FGGY: variants seen among roughly 807,000 people sequenced by gnomAD.
FGGY encodes FGGY carbohydrate kinase domain containing.
FGGY carries 72 observed loss-of-function variants against 71.3 expected under a neutral mutation model. The observed-to-expected ratio is 1.01, with a 90% confidence interval of 0.84 to 1.23. The LOEUF is 1.23. Among genes scored for constraint, FGGY ranks in the 50% most tolerant of loss-of-function variants. FGGY has a pLI of 0.00. For missense variants in FGGY, 668 were observed against 682.3 expected, an observed-to-expected ratio of 0.98 and a Z score of 0.23; for synonymous variants, 251 against 250.3, an observed-to-expected ratio of 1.00 and a Z score of -0.02.
intron 8 of FGGY, among the ~76,000 whole-genome samples, chr1:59,570,567 C>T (rs1306861859): frequency 2.0e-5 from 3 of 152,204 alleles, no homozygotes; most frequent in South Asian, 2.1e-4. Context: ...TTGTGGAATT[C>T]TTATTTTCTC....
At chr1:59,484,783 T>C (rs1007961283) in intron 6 of FGGY, among the ~76,000 whole-genome samples, 4 of 152,200 alleles carry the variant, frequency 2.6e-5, no homozygotes, top group African/African-American at 7.2e-5. Context: ...CAGAGACTTA[T>C]AAAAGATAGG....
intron 1 of FGGY, chr1:59,316,282 G>T (rs2045438869): frequency 6.6e-6 from 1 of 152,176 alleles, no homozygotes; most frequent in Non-Finnish European, 1.5e-5. Flanking sequence ...CTGCTTCTGT[G>T]CACTGTCACC....
chr1:59,431,961 T>C (rs1032179274), intron 5 of FGGY, among the ~76,000 whole-genome samples: 1 of 151,926 alleles, frequency 6.6e-6, no homozygotes, highest in Non-Finnish European at 1.5e-5. Flanking sequence ...AGAATGGGAG[T>C]TGGTCAGAAT....
intron 8 of FGGY, among the ~76,000 whole-genome samples, chr1:59,576,415 G>C (rs950669644): frequency 6.6e-6 from 1 of 152,062 alleles, no homozygotes; most frequent in African/African-American, 2.4e-5. Flanking sequence ...AGGGGGAAAG[G>C]GGAAGGGAGA....
chr1:59,654,447 C>T lies in FGGY; in HGVS notation c.1222-5772C>T, dbSNP rs78034197. Among the ~76,000 whole-genome samples, 350 of 152,290 alleles carry T rather than the reference C, an allele frequency of 2.3e-3. 4 individuals carry two copies. Among genetic ancestry groups the T allele is most frequent in the African/African-American group, 7.9e-3 (330 of 41,564 alleles). On this transcript the variant is annotated intron_variant, in intron 11 of 15. Transcript: ENST00000303721. ...CTGAGCCTTGGATACCCCCATCAAG[C>T]TCTGATGACCATAGAAAAATCTCAG...
At chr1:59,750,558 A>C (rs2098236808) in intron 14 of FGGY, among the ~76,000 whole-genome samples, 1 of 152,188 alleles carries the variant, frequency 6.6e-6, no homozygotes, top group Admixed American at 6.5e-5. Context: ...GCCAGTTTTC[A>C]TATCATGAGT....
chr1:59,517,516 C>T (rs973959897), intron 7 of FGGY, among the ~76,000 whole-genome samples: 19 of 152,170 alleles, frequency 1.2e-4, no homozygotes, highest in African/African-American at 3.9e-4. Flanking sequence ...CCGCCCGCCT[C>T]GGCCTCCCAA....
chr1:59,699,446 G>T, intron 14 of FGGY: 16 of 971,856 alleles, frequency 1.6e-5, no homozygotes, highest in Non-Finnish European at 2.0e-5. Flanking sequence ...GGGCTGTAGA[G>T]AACATTGCAT....
intron 8 of FGGY, among the ~76,000 whole-genome samples, chr1:59,589,739 C>G (rs1458716594): frequency 6.6e-6 from 1 of 152,080 alleles, no homozygotes. Context: ...TTGAAACCAA[C>G]GAGAACAAAG....
chr1:59,376,385 A>G (rs2058663997), intron 4 of FGGY, among the ~76,000 whole-genome samples: 1 of 152,156 alleles, frequency 6.6e-6, no homozygotes, highest in African/African-American at 2.4e-5. Flanking sequence ...CTCTTTTGAT[A>G]TTGTTTTGAT....
intron 13 of FGGY, among the ~76,000 whole-genome samples, chr1:59,671,804 G>A (rs1377319554): frequency 6.6e-6 from 1 of 152,154 alleles, no homozygotes; most frequent in Non-Finnish European, 1.5e-5. Flanking sequence ...GAAAGATTAG[G>A]TATCTTGCCT....
rs762739100 is a variant in FGGY, at chr1:59,660,219, G to T, written c.1222G>T (p.Val408Phe). Residue 408 changes from valine (V) to phenylalanine (F), a missense_variant and splice_region_variant, in exon 12 of 16, where the codon GTC (valine) becomes TTC (phenylalanine). Coordinates refer to ENST00000303721, the MANE Select transcript of FGGY (RefSeq NM_018291.5). ...TCTTTTCTTCCCTTCATGCCTGCAG[G>T]TCACCGGATTGAAACTGTCTCAGGA... ...PLADLTLKGM[V>F]TGLKLSQDLD... The T allele has an allele frequency of 6.8e-6, 11 of 1,613,278 alleles. No individual in the cohort carries two copies. The highest frequency in any genetic ancestry group is 9.3e-6 in the Non-Finnish European group (11 of 1,179,838).
chr1:59,309,685 C>T (rs2043957695), intron 1 of FGGY, among the ~76,000 whole-genome samples: 1 of 152,188 alleles, frequency 6.6e-6, no homozygotes, highest in Admixed American at 6.5e-5. Context: ...CTTAAAGCTA[C>T]CAGACCAGGG....
chr1:59,340,345 A>G (rs980607250), intron 3 of FGGY, among the ~76,000 whole-genome samples: 1 of 152,194 alleles, frequency 6.6e-6, no homozygotes, highest in African/African-American at 2.4e-5. Flanking sequence ...ATTGTTAGCT[A>G]GGAGTGATTA....
chr1:59,699,842 G>A (rs1213514594), intron 14 of FGGY, among the ~76,000 whole-genome samples: 3 of 152,156 alleles, frequency 2.0e-5, no homozygotes, highest in African/African-American at 7.2e-5. Flanking sequence ...GTGGTGCTTT[G>A]ACTTGTTCTG....
chr1:59,358,641 G>A (rs2054811068), intron 4 of FGGY, among the ~76,000 whole-genome samples: 1 of 152,170 alleles, frequency 6.6e-6, no homozygotes, highest in African/African-American at 2.4e-5. Context: ...CCATCTGTCT[G>A]TTCCTCTACT....
chr1:59,350,645 G>A (rs565855061), intron 4 of FGGY, among the ~76,000 whole-genome samples: 167 of 152,280 alleles, frequency 1.1e-3, no homozygotes, highest in Middle Eastern at 3.4e-3. Context: ...ATTGGTTGAT[G>A]GTTGTTAAGC....
At chr1:59,613,468 T>C (rs2096713557) in intron 9 of FGGY, among the ~76,000 whole-genome samples, 1 of 152,172 alleles carries the variant, frequency 6.6e-6, no homozygotes, top group Non-Finnish European at 1.5e-5. Context: ...AGACACAACA[T>C]ACCAGAATCT....
chr1:59,358,082 A>G (rs2054685636), intron 4 of FGGY, among the ~76,000 whole-genome samples: 1 of 152,232 alleles, frequency 6.6e-6, no homozygotes. Context: ...AGGACAATGC[A>G]TTTAATGTGT....
Sources: allele counts gnomAD v4.1 joint callset (sites outside exome capture counted in the v4.1 genomes callset), GRCh38; gene constraint gnomAD v4.1.1; transcripts MANE v1.5; gene names NCBI Gene and HGNC (gene_info 2026-07-23, HGNC 2026-07-21).